KNDC1: variants seen among roughly 807,000 people sequenced by gnomAD.
KNDC1 encodes the protein kinase non-catalytic C-lobe domain containing 1.
Under a neutral mutation model 172.8 loss-of-function variants are expected in KNDC1, and 106 were observed. The observed-to-expected ratio is 0.61, with a 90% CI of 0.52 to 0.72. KNDC1 has a LOEUF of 0.72. Ranked by LOEUF, KNDC1 falls within the 30% of genes least tolerant of loss-of-function variation. The pLI is 0.00. For missense variants in KNDC1, 2,325 were observed against 2,394.5 expected (o/e 0.97, Z 0.61); for synonymous variants, 1,083 against 1,062.2 (o/e 1.02, Z -0.38).
rs34482209 is a variant in KNDC1 at position 133,198,698 on chromosome 10, C to A, written c.2190C>A (p.Asp730Glu). ...HAGSPSLKTP[D>E]GPVPGPGPQG... ...GGTCCCCCAGCCTGAAGACGCCTGACGGGCCGGTGCCTGGTCCGGGGCCAC... is the reference window on the plus strand; with the variant it reads ...GGTCCCCCAGCCTGAAGACGCCTGAAGGGCCGGTGCCTGGTCCGGGGCCAC... Residue 730 changes from aspartate to glutamate, a missense_variant, in exon 14 of 30, where the codon GAC (aspartate) becomes GAA (glutamate). Coordinates refer to ENST00000304613, the MANE Select transcript of KNDC1 (RefSeq NM_152643.8). 4 of 1,579,248 alleles carry A rather than the reference C, an allele frequency of 2.5e-6. No individual in the cohort carries two copies. The African/African-American group carries it at 5.4e-5, about 21-fold the overall frequency.
At chr10:133,221,138 C>G (rs1255952097) in intron 29 of KNDC1, among the ~76,000 whole-genome samples, 1 of 152,122 alleles carries the variant, frequency 6.6e-6, no homozygotes, top group African/African-American at 2.4e-5. Context: ...CTCTGCAGCA[C>G]AGAGGCTGCC....
chr10:133,192,349 G>A (rs567453821), intron 9 of KNDC1, among the ~76,000 whole-genome samples: 11 of 152,148 alleles, frequency 7.2e-5, no homozygotes, highest in Admixed American at 3.3e-4. Context: ...AAGGCTGCAC[G>A]CCTACAATCA....
At chr10:133,165,059 C>G (rs893492902) in intron 1 of KNDC1, among the ~76,000 whole-genome samples, 9 of 152,228 alleles carry the variant, frequency 5.9e-5, no homozygotes, top group Non-Finnish European at 1.2e-4. Flanking sequence ...GCCCTCAGCA[C>G]ATGACAAGAC....
rs1258005768 is a variant in KNDC1 at position 133,184,288 on chromosome 10, ACACACACCCATG to A, written c.625+307_625+318del. On this transcript the variant is annotated intron_variant, in intron 5 of 29. Transcript: ENST00000304613. ...ACACACCCATGCACACACACGCTGC[ACACACACCCATG>A]CACACACTGCACAACCCATGCACAC... is the stretch of plus-strand genomic sequence containing the variant. Among the ~76,000 whole-genome samples the A allele has an allele frequency of 1.3e-4, 16 of 125,634 alleles. No homozygotes were observed. In the South Asian group the frequency reaches 5.6e-3, roughly 44 times the overall value. The allele number at this position is 125,634 out of a possible 152,430, so 82.4% of individuals were successfully genotyped here.
chr10:133,221,480 C>G (rs1356718260), intron 29 of KNDC1, among the ~76,000 whole-genome samples: 3 of 152,178 alleles, frequency 2.0e-5, no homozygotes, highest in Non-Finnish European at 4.4e-5. Context: ...GCCCCAAGCT[C>G]GGCCTCACTC....
intron 17 of KNDC1, chr10:133,202,706 C>T (rs1238346974): frequency 4.4e-6 from 2 of 456,436 alleles, no homozygotes; most frequent in Non-Finnish European, 8.8e-6. Context: ...CACTTTATGA[C>T]TCAGTCCAGA....
intron 24 of KNDC1, 146 bp downstream of exon 24, chr10:133,213,068 G>A (rs1845403814): frequency 4.2e-6 from 3 of 716,822 alleles, no homozygotes; most frequent in Admixed American, 5.7e-5. Context: ...GTTGGGGGTG[G>A]CTGCCAGGTG....
At chr10:133,199,846 A>C (rs908225392) in intron 15 of KNDC1, among the ~76,000 whole-genome samples, 17 of 152,144 alleles carry the variant, frequency 1.1e-4, no homozygotes, top group African/African-American at 3.9e-4. Context: ...AAGGGCTTTC[A>C]GAGAATATGA....
At chr10:133,202,525 C>T (rs1214520842) in intron 17 of KNDC1, 5 of 435,014 alleles carry the variant, frequency 1.1e-5, no homozygotes, top group Middle Eastern at 3.4e-4. Context: ...TCGAGAGCCC[C>T]GGGACTCCAG....
chr10:133,214,703 C>T (rs1845440608), intron 26 of KNDC1, among the ~76,000 whole-genome samples: 1 of 152,228 alleles, frequency 6.6e-6, no homozygotes, highest in Non-Finnish European at 1.5e-5. Context: ...TGGAACGGAT[C>T]GGCTCCGTGG....
At chr10:133,188,784 C>G in intron 7 of KNDC1, 131 bp downstream of exon 7, 1 of 594,620 alleles carries the variant, frequency 1.7e-6, no homozygotes, top group Non-Finnish European at 3.1e-6. Context: ...TCCCATCACC[C>G]CTGCCGTCCC....
chr10:133,189,906 C>G (rs949923871), intron 9 of KNDC1, 93 bp downstream of exon 9: 73 of 1,089,974 alleles, frequency 6.7e-5, no homozygotes, highest in Non-Finnish European at 1.2e-5. Flanking sequence ...CATCAGGACT[C>G]GAGGGAGTCA....
chr10:133,199,296 A>C (rs745631724), intron 14 of KNDC1, 30 bp downstream of exon 14: 1 of 1,539,838 alleles, frequency 6.5e-7, no homozygotes, highest in South Asian at 1.2e-5. Flanking sequence ...GCCCCAGAGG[A>C]GGCCCGGGCC....
chr10:133,200,958 G>A (rs1854346509), intron 16 of KNDC1, among the ~76,000 whole-genome samples: 1 of 152,196 alleles, frequency 6.6e-6, no homozygotes, highest in Non-Finnish European at 1.5e-5. Context: ...ACAAGGTGGG[G>A]GTGGTGGTCA....
intron 9 of KNDC1, among the ~76,000 whole-genome samples, chr10:133,193,428 G>A (rs374467109): frequency 3.3e-5 from 5 of 152,294 alleles, no homozygotes; most frequent in East Asian, 3.9e-4. Flanking sequence ...GGGAGGCTGA[G>A]GCAGAAGAAT....
At chr10:133,190,455 A>C (rs1374935603) in intron 9 of KNDC1, among the ~76,000 whole-genome samples, 1 of 152,156 alleles carries the variant, frequency 6.6e-6, no homozygotes, top group Non-Finnish European at 1.5e-5. Flanking sequence ...AAAAACAAGC[A>C]CCAGGCCACC....
intron 3 of KNDC1, among the ~76,000 whole-genome samples, chr10:133,181,978 C>T (rs1305302138): frequency 6.6e-6 from 1 of 152,182 alleles, no homozygotes; most frequent in East Asian, 1.9e-4. Context: ...TCAAATAAGA[C>T]ATCTCAGGAG....
At chr10:133,221,929 GCA>G (rs1845599398) in intron 29 of KNDC1, among the ~76,000 whole-genome samples, 1 of 74,950 alleles carries the variant, frequency 1.3e-5, no homozygotes, top group Non-Finnish European at 3.3e-5. Flanking sequence ...CGGGCTGGGT[GCA>G]GCCACTCACG....
chr10:133,174,161 A>AAT (rs1853457524), intron 3 of KNDC1: 1 of 152,420 alleles, frequency 6.6e-6, no homozygotes, highest in East Asian at 1.9e-4. Context: ...TGTGAGACCC[A>AAT]CAGGCTGGGG....
Sources: allele counts gnomAD v4.1 joint callset (sites outside exome capture counted in the v4.1 genomes callset), GRCh38; gene constraint gnomAD v4.1.1; transcripts MANE v1.5; gene names NCBI Gene and HGNC (gene_info 2026-07-23, HGNC 2026-07-21).